GFRA1: variants seen among roughly 807,000 people sequenced by gnomAD.
The protein encoded by GFRA1 is GDNF family receptor alpha 1.
Under a neutral mutation model 51.6 loss-of-function variants are expected in GFRA1, and 16 were observed. That is an observed-to-expected ratio of 0.31 (90% CI 0.21 to 0.47). GFRA1 has a LOEUF of 0.47. Ranked by LOEUF, GFRA1 falls within the 20% of genes least tolerant of loss-of-function variation. The probability of loss-of-function intolerance (pLI) is 1.00; values close to 1 mark genes in which losing one functional copy is unlikely to be tolerated. For synonymous variants in GFRA1, 270 were observed against 241.3 expected, an observed-to-expected ratio of 1.12 and a Z score of -1.10; for missense variants, 530 against 594.3, an observed-to-expected ratio of 0.89 and a Z score of 1.13.
chr10:116,186,092 C>T (rs374232389), intron 5 of GFRA1, among the ~76,000 whole-genome samples: 4 of 152,152 alleles, frequency 2.6e-5, no homozygotes, highest in Non-Finnish European at 5.9e-5. Flanking sequence ...GACCAGCTTG[C>T]GGCAGCTATT....
At chr10:116,181,638 GT>G (rs1311021406) in intron 5 of GFRA1, among the ~76,000 whole-genome samples, 3 of 149,882 alleles carry the variant, frequency 2.0e-5, no homozygotes. Context: ...TTTTTTTGTT[GT>G]TTTTTTGTTT....
At position 116,134,048 on chromosome 10, in the gene GFRA1, C is replaced by T. The variant is rs368368766; in HGVS notation, c.434-8491G>A. ...CCAGTTGAAACGATTCAGGATGAAA[C>T]ACAGATGCAAGCAACTAGAAATCTA... is the stretch of plus-strand genomic sequence containing the variant. On this transcript the variant is annotated intron_variant, in intron 5 of 10. Transcript: ENST00000355422. Among the ~76,000 whole-genome samples the T allele has an allele frequency of 3.9e-5, 6 of 152,158 alleles. No homozygotes were observed. In the East Asian group the frequency reaches 9.6e-4, roughly 24 times the overall value.
At chr10:116,139,248 C>G (rs1958462716) in intron 5 of GFRA1, among the ~76,000 whole-genome samples, 1 of 152,198 alleles carries the variant, frequency 6.6e-6, no homozygotes, top group Non-Finnish European at 1.5e-5. Context: ...CATTCCTGAG[C>G]TTTTCACACA....
chr10:116,268,266 AC>A (rs1969830422), intron 4 of GFRA1, among the ~76,000 whole-genome samples: 1 of 152,210 alleles, frequency 6.6e-6, no homozygotes, highest in African/African-American at 2.4e-5. Context: ...TGTTTCCCTA[AC>A]TTCACTATGC....
chr10:116,158,156 A>T (rs1405116646), intron 5 of GFRA1, among the ~76,000 whole-genome samples: 1 of 152,214 alleles, frequency 6.6e-6, no homozygotes, highest in African/African-American at 2.4e-5. Context: ...CCAGCAAAGG[A>T]AGATGTTCTC....
intron 9 of GFRA1, among the ~76,000 whole-genome samples, chr10:116,070,985 C>T (rs140939930): frequency 1.3e-5 from 2 of 152,294 alleles, no homozygotes; most frequent in African/African-American, 4.8e-5. Flanking sequence ...AAGTCAGCTG[C>T]GTAAAACAAG....
In GFRA1 at chr10:116,272,355, T is replaced by TC. The variant is rs1373742435; in HGVS notation, c.-246-81dup. On this transcript the variant is annotated intron_variant, in intron 1 of 10. Coordinates refer to ENST00000355422, the MANE Select transcript of GFRA1 (RefSeq NM_005264.8). This position sits in a 1 kb window ranked among gnomAD's most constrained non-coding sequence, Gnocchi z 4.4. ...CACAGAACCCTCTCCCCTCCCCCGT[T>TC]CCCGCCTTTGGGGAATTTCCAACAC... 1 of 446,976 alleles carries TC rather than the reference T, an allele frequency of 2.2e-6. No individual in the cohort carries two copies. Among genetic ancestry groups the TC allele is most frequent in the Non-Finnish European group, 4.1e-6 (1 of 243,156 alleles). The allele number at this position is 446,976 out of a possible 1,614,324, so 27.7% of individuals were successfully genotyped here. A position where few individuals can be genotyped will look rare whatever the true frequency, so the allele number is the denominator to read the frequency against.
At chr10:116,236,056 G>A (rs1396861054) in intron 4 of GFRA1, among the ~76,000 whole-genome samples, 1 of 152,152 alleles carries the variant, frequency 6.6e-6, no homozygotes, top group Admixed American at 6.5e-5. Flanking sequence ...CACAATGACA[G>A]AAGAATTCAA....
chr10:116,231,618 A>T (rs1966681169), intron 4 of GFRA1, among the ~76,000 whole-genome samples: 1 of 152,156 alleles, frequency 6.6e-6, no homozygotes, highest in South Asian at 2.1e-4. Flanking sequence ...AATGCTTTCC[A>T]TTCTTAAAAA....
chr10:116,154,305 C>G (rs1253191852), intron 5 of GFRA1, among the ~76,000 whole-genome samples: 2 of 152,182 alleles, frequency 1.3e-5, no homozygotes, highest in African/African-American at 4.8e-5. Context: ...TAGCCCCAAA[C>G]TGGATACGAC....
chr10:116,202,953 C>T (rs1028379089), intron 5 of GFRA1, among the ~76,000 whole-genome samples: 1 of 152,084 alleles, frequency 6.6e-6, no homozygotes, highest in Non-Finnish European at 1.5e-5. Flanking sequence ...ATCAATCCAT[C>T]CAAAGGCATA....
rs936334442 is a variant in GFRA1 at position 116,059,470 on chromosome 10, T to G, written c.*4928A>C. On this transcript the variant is annotated 3_prime_UTR_variant, in exon 11 of 11. Coordinates refer to ENST00000355422, the MANE Select transcript of GFRA1 (RefSeq NM_005264.8). ...AACTCCCCATGGCAGTGGGACAAGA[T>G]GCTGATATTGGCACCTGCCAGAGGC... is the stretch of plus-strand genomic sequence containing the variant. 1 of 152,238 alleles carries G rather than the reference T, an allele frequency of 6.6e-6. No homozygotes were observed. Among genetic ancestry groups the G allele is most frequent in the African/African-American group, 2.4e-5 (1 of 41,470 alleles). The allele number at this position is 152,238 out of a possible 1,614,324, so 9.4% of individuals were successfully genotyped here.
chr10:116,176,960 G>A (rs1961679217), intron 5 of GFRA1, among the ~76,000 whole-genome samples: 1 of 152,198 alleles, frequency 6.6e-6, no homozygotes, highest in Non-Finnish European at 1.5e-5. Context: ...TGGTCTTGAA[G>A]AATGAACTGG....
At chr10:116,186,959 C>T (rs528497324) in intron 5 of GFRA1, among the ~76,000 whole-genome samples, 1 of 152,318 alleles carries the variant, frequency 6.6e-6, no homozygotes, top group Admixed American at 6.5e-5. Flanking sequence ...GACCTGCTCA[C>T]ACAGGGTCAC....
chr10:116,123,654 C>T (rs1045474055), intron 6 of GFRA1, among the ~76,000 whole-genome samples: 4 of 152,176 alleles, frequency 2.6e-5, no homozygotes, highest in African/African-American at 9.7e-5. Flanking sequence ...TGGTCATAAA[C>T]CCATCTGCTT....
At chr10:116,110,854 C>A (rs1424646029) in intron 6 of GFRA1, among the ~76,000 whole-genome samples, 1 of 152,194 alleles carries the variant, frequency 6.6e-6, no homozygotes, top group Non-Finnish European at 1.5e-5. Flanking sequence ...GCATCTACCA[C>A]CTGCCCTTGC....
intron 5 of GFRA1, among the ~76,000 whole-genome samples, chr10:116,155,708 T>C (rs1189765392): frequency 6.6e-6 from 1 of 152,184 alleles, no homozygotes; most frequent in Non-Finnish European, 1.5e-5. Context: ...ATTTTCCTAG[T>C]GCCTCATGAA....
intron 5 of GFRA1, among the ~76,000 whole-genome samples, chr10:116,173,990 G>A (rs1589844522): frequency 6.6e-6 from 1 of 152,236 alleles, no homozygotes; most frequent in Non-Finnish European, 1.5e-5. Context: ...TGAGGCAGGA[G>A]AATCTCTTGA....
At chr10:116,259,820 T>TA (rs1016894591) in intron 4 of GFRA1, among the ~76,000 whole-genome samples, 1 of 152,194 alleles carries the variant, frequency 6.6e-6, no homozygotes, top group African/African-American at 2.4e-5. Flanking sequence ...TTAAGAAAGT[T>TA]ACTCAACCTC....
Sources: allele counts gnomAD v4.1 joint callset (sites outside exome capture counted in the v4.1 genomes callset), GRCh38; gene constraint gnomAD v4.1.1; non-coding constraint Gnocchi (gnomAD v3.1); transcripts MANE v1.5; gene names NCBI Gene and HGNC (gene_info 2026-07-23, HGNC 2026-07-21).